The following ATP2A3 variants were observed in gnomAD, a reference collection of about 807,000 sequenced individuals.
ATP2A3 encodes sarcoplasmic/endoplasmic reticulum calcium ATPase 3.
ATP2A3 carries 61 observed loss-of-function variants against 106.8 expected under a neutral mutation model. The observed-to-expected ratio is 0.57, with a 90% CI of 0.46 to 0.71. ATP2A3 has a LOEUF of 0.71. Among genes scored for constraint, ATP2A3 ranks in the 30% least tolerant of loss-of-function variants. ATP2A3 has a pLI of 0.00. For missense variants in ATP2A3, 1,201 were observed against 1,423.5 expected (o/e 0.84, Z 2.52); for synonymous variants, 611 against 609.3 (o/e 1.00, Z -0.04).
rs1446079196 is a variant in ATP2A3, at chr17:3,936,519, A to G, written c.2322-50T>C. ...CCCCGGTAGGCCTAGCCCCCGGCAG[A>G]TGCAGGCTCCAGCTCCTGCTCAGAC... On this transcript the variant is annotated intron_variant, in intron 15 of 20. Coordinates refer to ENST00000397041, the MANE Select transcript of ATP2A3 (RefSeq NM_005173.4). The surrounding 1 kb of genome is among the most constrained non-coding windows in gnomAD (Gnocchi z 5.4). The G allele has an allele frequency of 3.1e-6, 5 of 1,598,094 alleles. No homozygotes were observed. In the East Asian group the frequency reaches 8.9e-5, roughly 29 times the overall value.
Position 3,925,000 on chromosome 17 carries a change from C to A in ATP2A3, c.*422G>T. On this transcript the variant is annotated 3_prime_UTR_variant, in exon 21 of 21. Coordinates refer to ENST00000397041, the MANE Select transcript of ATP2A3 (RefSeq NM_005173.4). This position sits in a 1 kb window ranked among gnomAD's most constrained non-coding sequence, Gnocchi z 6.4. ...GGTAAGAAGGACCCCCAGAGTCCTC[C>A]GTCAGTGCAGAGGCACCAGTCACCA... 2.6e-6 allele frequency: 1 copy of A among 390,786 alleles called. No individual in the cohort carries two copies. Among genetic ancestry groups the A allele is most frequent in the Non-Finnish European group, 5.0e-6 (1 of 201,764 alleles). The allele number at this position is 390,786 out of a possible 1,614,324, so 24.2% of individuals were successfully genotyped here.
intron 14 of ATP2A3, 122 bp downstream of exon 14, chr17:3,940,849 T>G: frequency 8.1e-7 from 1 of 1,238,580 alleles, no homozygotes; most frequent in Non-Finnish European, 1.2e-6. Context: ...TTTGAATTTT[T>G]TGGTAATAAG....
rs893051690 is a variant in ATP2A3 at position 3,929,184 on chromosome 17, A to G, written c.2862+144T>C. ...TGGGAGCTCCTGAAGGTGGGGCCAC[A>G]GCTGGAGGTGGTGGCTGGCCAGACC... is the stretch of plus-strand genomic sequence containing the variant. On this transcript the variant is annotated intron_variant, in intron 19 of 20. Coordinates refer to ENST00000397041, the MANE Select transcript of ATP2A3 (RefSeq NM_005173.4). The surrounding 1 kb of genome is among the most constrained non-coding windows in gnomAD (Gnocchi z 4.3). 2 of 749,178 alleles carry G rather than the reference A, an allele frequency of 2.7e-6. No homozygotes were observed. Among genetic ancestry groups the G allele is most frequent in the Non-Finnish European group, 4.3e-6 (2 of 464,084 alleles). The allele number at this position is 749,178 out of a possible 1,614,324, so 46.4% of individuals were successfully genotyped here.
Position 3,937,463 on chromosome 17 carries a change from C to T in ATP2A3, c.2274G>A (p.Lys758=). The part of the protein sequence containing the change: ...EEGRAIYSNM[K]QFIRYLISSN... ...AGGAGATGAGGTAGCGGATGAATTG[C>T]TTCATGTTGCTGTAGATGGCCCGGC... Residue 758 remains lysine, a synonymous_variant, in exon 15 of 21, where the codon AAG becomes AAA. Transcript: ENST00000397041. The T allele has an allele frequency of 4.3e-6, 7 of 1,612,914 alleles. No individual in the cohort carries two copies. The highest frequency in any genetic ancestry group is 5.9e-6 in the Non-Finnish European group (7 of 1,179,154).
At chr17:3,954,536 G>A (rs1232653786) in intron 1 of ATP2A3, among the ~76,000 whole-genome samples, 5 of 142,826 alleles carry the variant, frequency 3.5e-5, no homozygotes, top group Non-Finnish European at 7.5e-5. Flanking sequence ...TCGCTCTGTC[G>A]CCCAGGCCAG....
Position 3,950,675 on chromosome 17 carries a change from T to C in ATP2A3, c.544+18A>G. ...AGTCCTGGCCCACTAGGTCCCGGCC[T>C]CCTGGGGGGGGCCTCACCCGTCAGG... On this transcript the variant is annotated intron_variant, in intron 6 of 20. Coordinates refer to ENST00000397041, the MANE Select transcript of ATP2A3 (RefSeq NM_005173.4). 6.2e-7 allele frequency: 1 copy of C among 1,613,768 alleles called. No homozygotes were observed. The highest frequency in any genetic ancestry group is 8.5e-7 in the Non-Finnish European group (1 of 1,179,860).
In ATP2A3 at chr17:3,951,552, C is replaced by CG. The variant is rs1555564142; in HGVS notation, c.324+28dup. 18 of 1,365,896 alleles carry CG rather than the reference C, an allele frequency of 1.3e-5. 1 individual carries two copies. In the Middle Eastern group the frequency reaches 3.8e-3, roughly 286 times the overall value. The allele number at this position is 1,365,896 out of a possible 1,614,324, so 84.6% of individuals were successfully genotyped here. ...TCCTAGTGGCTGGGAGACCGCCCCC[C>CG]GCCCGGTCCCACCCCCAGTGCCTCC... On this transcript the variant is annotated intron_variant, in intron 4 of 20. Coordinates refer to ENST00000397041, the MANE Select transcript of ATP2A3 (RefSeq NM_005173.4).
Position 3,925,288 on chromosome 17 carries a change from C to A in ATP2A3, c.*134G>T. On this transcript the variant is annotated 3_prime_UTR_variant, in exon 21 of 21. Transcript: ENST00000397041. This position sits in a 1 kb window ranked among gnomAD's most constrained non-coding sequence, Gnocchi z 4.2. Reference sequence around the variant, plus strand: ...GGCCCGGGGATGGCCATTCTGACCTCGGGCCTGTCATTTATCCGGCGGGAC... The same window carrying A: ...GGCCCGGGGATGGCCATTCTGACCTAGGGCCTGTCATTTATCCGGCGGGAC... 6.7e-7 allele frequency: 1 copy of A among 1,499,548 alleles called. No individual in the cohort carries two copies. The highest frequency in any genetic ancestry group is 9.2e-7 in the Non-Finnish European group (1 of 1,091,464). The allele number at this position is 1,499,548 out of a possible 1,614,324, so 92.9% of individuals were successfully genotyped here.
rs2052591972 is a variant in ATP2A3, at chr17:3,924,245, T to G, written c.*1177A>C. ...AGGGACAATCCTTGGTGCAGGTTTCTGCTACCCCTCGCTAGTTTTTGCCAA... is the reference window on the plus strand; with the variant it reads ...AGGGACAATCCTTGGTGCAGGTTTCGGCTACCCCTCGCTAGTTTTTGCCAA... On this transcript the variant is annotated 3_prime_UTR_variant, in exon 21 of 21. Transcript: ENST00000397041. The surrounding 1 kb of genome is among the most constrained non-coding windows in gnomAD (Gnocchi z 6.4). 1 of 155,570 alleles carries G rather than the reference T, an allele frequency of 6.4e-6. No homozygotes were observed. Among genetic ancestry groups the G allele is most frequent in the Non-Finnish European group, 1.4e-5 (1 of 70,242 alleles). The allele number at this position is 155,570 out of a possible 1,614,324, so 9.6% of individuals were successfully genotyped here.
Position 3,953,380 on chromosome 17 carries a change from C to T in ATP2A3, c.186G>A (p.Val62=), listed in dbSNP as rs1304931251. Residue 62 remains valine (V), a synonymous_variant, in exon 3 of 21, where the codon GTG becomes GTA. Coordinates refer to ENST00000397041, the MANE Select transcript of ATP2A3 (RefSeq NM_005173.4). The surrounding 1 kb of genome is among the most constrained non-coding windows in gnomAD (Gnocchi z 5.1). ...CAAGGGCAGCCAGCAGCAGGATGCG[C>T]ACCAGGAGGTCCTCAAACTGTTCCA... is the stretch of plus-strand genomic sequence containing the variant. ...LVLEQFEDLL[V]RILLLAALVS... is the part of the protein sequence containing the mutation. The T allele has an allele frequency of 1.2e-6, 2 of 1,614,024 alleles. No homozygotes were observed. Among genetic ancestry groups the T allele is most frequent in the South Asian group, 1.1e-5 (1 of 91,088 alleles).
In ATP2A3 at chr17:3,953,510, C is replaced by T; in HGVS notation, c.137-81G>A. 3 of 1,548,928 alleles carry T rather than the reference C, an allele frequency of 1.9e-6. No homozygotes were observed. The highest frequency in any genetic ancestry group is 2.7e-6 in the Non-Finnish European group (3 of 1,123,982). ...AGAGCTGGGATGGCCCGGGAGACCT[C>T]CCGGCCCATTCCCTCCCTGCACTCA... On this transcript the variant is annotated intron_variant, in intron 2 of 20. Coordinates refer to ENST00000397041, the MANE Select transcript of ATP2A3 (RefSeq NM_005173.4). This position sits in a 1 kb window ranked among gnomAD's most constrained non-coding sequence, Gnocchi z 5.1.
At chr17:3,942,525 G>T in intron 12 of ATP2A3, 81 bp downstream of exon 12, 1 of 1,564,018 alleles carries the variant, frequency 6.4e-7, no homozygotes, top group African/African-American at 1.3e-5. Context: ...TCACACGGGA[G>T]GACTGGGGCT....
Position 3,953,588 on chromosome 17 carries a change from C to G in ATP2A3, c.136+105G>C. 1 of 1,518,214 alleles carries G rather than the reference C, an allele frequency of 6.6e-7. No individual in the cohort carries two copies. The highest frequency in any genetic ancestry group is 1.2e-5 in the South Asian group (1 of 84,426). 94.0% of individuals were successfully genotyped at this position (1,518,214 alleles called of 1,614,324 possible). On this transcript the variant is annotated intron_variant, in intron 2 of 20. Transcript: ENST00000397041. This position sits in a 1 kb window ranked among gnomAD's most constrained non-coding sequence, Gnocchi z 5.1. ...GGCTCAGGTGGGTGATCCTGGGGAGCTCAGCAAGGCCTCACTCAGCGGGGA... is the reference window on the plus strand; with the variant it reads ...GGCTCAGGTGGGTGATCCTGGGGAGGTCAGCAAGGCCTCACTCAGCGGGGA...
intron 17 of ATP2A3, chr17:3,934,966 C>A (rs1193227042): frequency 1.2e-5 from 7 of 573,946 alleles, no homozygotes; most frequent in African/African-American, 1.1e-4. Context: ...TTGGTCCCCG[C>A]TAACTGACTG....
chr17:3,961,750 C>T (rs374442014), intron 1 of ATP2A3, among the ~76,000 whole-genome samples: 4 of 152,174 alleles, frequency 2.6e-5, no homozygotes, highest in Admixed American at 6.5e-5. Flanking sequence ...GCCTCTTCTG[C>T]GACAAGGAAG....
chr17:3,951,181 A>G, intron 5 of ATP2A3, 70 bp downstream of exon 5: 1 of 1,169,288 alleles, frequency 8.6e-7, no homozygotes. Flanking sequence ...TCAAAAAATA[A>G]ATAAATAAAT....
At chr17:3,945,188 C>T in intron 8 of ATP2A3, 40 bp from the exon 9 acceptor site, 1 of 1,528,206 alleles carries the variant, frequency 6.5e-7, no homozygotes, top group Non-Finnish European at 8.8e-7. Flanking sequence ...GCGGGGTCGC[C>T]TCCCTCCTCC....
chr17:3,936,351 G>A lies in ATP2A3; in HGVS notation c.2440C>T (p.Leu814=), dbSNP rs1277681727. ...CGGGGCAGCTTCTCCATGATGTCCAGGTCTGGCGGGTTGAAGCCCAGAGCC... is the reference window on the plus strand; with the variant it reads ...CGGGGCAGCTTCTCCATGATGTCCAAGTCTGGCGGGTTGAAGCCCAGAGCC... ...ATALGFNPPD[L]DIMEKLPRSP... The change falls in exon 16 of 21, where the codon CTG becomes TTG. Residue 814 remains leucine, a synonymous_variant. Transcript: ENST00000397041. This position sits in a 1 kb window ranked among gnomAD's most constrained non-coding sequence, Gnocchi z 5.4. 3 of 1,614,150 alleles carry A rather than the reference G, an allele frequency of 1.9e-6. No individual in the cohort carries two copies. The highest frequency in any genetic ancestry group is 2.5e-6 in the Non-Finnish European group (3 of 1,180,036).
intron 16 of ATP2A3, among the ~76,000 whole-genome samples, chr17:3,935,751 T>C (rs1048567012): frequency 2.6e-5 from 4 of 152,116 alleles, no homozygotes; most frequent in Non-Finnish European, 5.9e-5. Context: ...TTGGCCAGGC[T>C]GGTCTCAAAC....
Sources: allele counts gnomAD v4.1 joint callset (sites outside exome capture counted in the v4.1 genomes callset), GRCh38; gene constraint gnomAD v4.1.1; non-coding constraint Gnocchi (gnomAD v3.1); transcripts MANE v1.5; gene names NCBI Gene and HGNC (gene_info 2026-07-23, HGNC 2026-07-21).